DNM1L: variants seen among roughly 807,000 people sequenced by gnomAD.
DNM1L encodes dynamin 1L.
In DNM1L, 33 loss-of-function variants were observed where a neutral mutation model predicts 92.8. The ratio of observed to expected loss-of-function variants is 0.36; its 90% CI spans 0.27 to 0.48. The LOEUF (loss-of-function observed/expected upper bound fraction) is 0.48, where lower values mean the gene tolerates loss of function less well. DNM1L is among the 20% of genes least tolerant of loss of function. The pLI, the probability that DNM1L is intolerant of heterozygous loss-of-function variation, is 0.99. For missense variants in DNM1L, 485 were observed against 888.8 expected (o/e 0.55, Z 5.78); for synonymous variants, 284 against 305.0 (o/e 0.93, Z 0.72).
intron 1 of DNM1L, among the ~76,000 whole-genome samples, chr12:32,687,755 A>G (rs1388120439): frequency 1.3e-5 from 2 of 151,146 alleles, no homozygotes; most frequent in Admixed American, 6.6e-5. Flanking sequence ...TGGCCAGCCA[A>G]AGATTTATTA....
chr12:32,716,794 A>C (rs68154285), intron 6 of DNM1L, among the ~76,000 whole-genome samples: 22,382 of 146,074 alleles, frequency 0.15, 1,799 homozygotes, highest in Middle Eastern at 0.2. Flanking sequence ...GTATTTCACT[A>C]CCCATCTGAG....
intron 16 of DNM1L, among the ~76,000 whole-genome samples, chr12:32,739,672 G>T (rs1034307194): frequency 3.2e-4 from 48 of 152,332 alleles, no homozygotes; most frequent in African/African-American, 9.1e-4. Flanking sequence ...GATTACTTAA[G>T]AAATTAAACT....
At chr12:32,695,084 C>T (rs1449881904) in intron 1 of DNM1L, among the ~76,000 whole-genome samples, 1 of 151,942 alleles carries the variant, frequency 6.6e-6, no homozygotes, top group Non-Finnish European at 1.5e-5. Flanking sequence ...AGAATACAGA[C>T]CAAGGAAAGA....
chr12:32,679,350 G>T lies in DNM1L; in HGVS notation c.-14G>T, dbSNP rs201968952. ...CGTGGCCGGCGGGCACTGGGGCCCC[G>T]TGTTTTCAGAGTCATGGAGGCGCTA... On this transcript the variant is annotated 5_prime_UTR_variant, in exon 1 of 20. Transcript: ENST00000549701. The T allele has an allele frequency of 1.2e-6, 2 of 1,605,150 alleles. No individual in the cohort carries two copies. The highest frequency in any genetic ancestry group is 3.3e-5 in the Admixed American group (2 of 59,754).
At chr12:32,740,629 C>G (rs1445540813) in intron 18 of DNM1L, 111 bp downstream of exon 18, 3 of 1,009,046 alleles carry the variant, frequency 3.0e-6, no homozygotes, top group Non-Finnish European at 4.4e-6. Flanking sequence ...TCTAAATCAT[C>G]AAGTGGATTT....
intron 1 of DNM1L, among the ~76,000 whole-genome samples, chr12:32,686,045 CTTTTTTTTTTTTT>C (rs972264615): frequency 2.4e-5 from 2 of 82,690 alleles, no homozygotes; most frequent in African/African-American, 1.2e-4. Context: ...TAAAATTAGC[CTTTTTTTTTTTTT>C]TTTTTTTTTG....
intron 4 of DNM1L, among the ~76,000 whole-genome samples, chr12:32,709,937 A>G (rs147178069): frequency 0.013 from 1,975 of 152,330 alleles, 42 homozygotes; most frequent in African/African-American, 0.045. Flanking sequence ...AGGATATTAA[A>G]AACTTGCTGG....
chr12:32,717,341 CTA>C (rs1265116133), intron 6 of DNM1L, among the ~76,000 whole-genome samples: 2 of 82,946 alleles, frequency 2.4e-5, no homozygotes, highest in African/African-American at 5.1e-5. Context: ...TTTATATATA[CTA>C]TATATTATAT....
intron 1 of DNM1L, among the ~76,000 whole-genome samples, chr12:32,693,490 ATTGT>A (rs776864720): frequency 2.0e-5 from 3 of 152,118 alleles, no homozygotes; most frequent in Non-Finnish European, 4.4e-5. Context: ...CATTTTGTAT[ATTGT>A]TTAAGAAGTC....
intron 14 of DNM1L, chr12:32,737,399 T>G: frequency 6.0e-6 from 3 of 496,582 alleles, no homozygotes; most frequent in Non-Finnish European, 1.1e-5. Context: ...TTTAAGCATT[T>G]AAGCATCAAG....
intron 1 of DNM1L, among the ~76,000 whole-genome samples, chr12:32,691,152 C>T (rs10771981): frequency 0.17 from 26,475 of 152,046 alleles, 2,587 homozygotes; most frequent in African/African-American, 0.28. Context: ...TAGATGGCTG[C>T]CTTCTTGCTG....
chr12:32,723,179 C>T (rs1326324246), intron 9 of DNM1L, among the ~76,000 whole-genome samples: 1 of 150,700 alleles, frequency 6.6e-6, no homozygotes. Context: ...TTAAGGATTT[C>T]AAGTTACATA....
At chr12:32,716,777 A>G (rs1953400177) in intron 6 of DNM1L, among the ~76,000 whole-genome samples, 1 of 146,694 alleles carries the variant, frequency 6.8e-6, no homozygotes, top group South Asian at 2.1e-4. Flanking sequence ...AACTGAAAAT[A>G]CCATAGGTAT....
chr12:32,679,506 C>T (rs1335721041), intron 1 of DNM1L, 41 bp downstream of exon 1: 2 of 1,571,718 alleles, frequency 1.3e-6, no homozygotes, highest in African/African-American at 1.3e-5. Flanking sequence ...CAGACCCCGG[C>T]CGCAGGCCTG....
In DNM1L at chr12:32,743,658, T is replaced by G. The variant is rs892216800; in HGVS notation, c.*248T>G. 4.0e-6 allele frequency: 2 copies of G among 499,850 alleles called. No individual in the cohort carries two copies. Among genetic ancestry groups the G allele is most frequent in the African/African-American group, 1.9e-5 (1 of 51,964 alleles). The allele number at this position is 499,850 out of a possible 1,614,324, so 31.0% of individuals were successfully genotyped here. A position where few individuals can be genotyped will look rare whatever the true frequency, so the allele number is the denominator to read the frequency against. Reference sequence around the variant, plus strand: ...TACATCAAGTCTGTCTTGTGACAGTTTCATCTGAACTTAACTTAAAAACAA... The same window carrying G: ...TACATCAAGTCTGTCTTGTGACAGTGTCATCTGAACTTAACTTAAAAACAA... On this transcript the variant is annotated 3_prime_UTR_variant, in exon 20 of 20. Coordinates refer to ENST00000549701, the MANE Select transcript of DNM1L (RefSeq NM_012062.5).
At chr12:32,736,862 A>G (rs1954918097) in intron 13 of DNM1L, 3 of 487,158 alleles carry the variant, frequency 6.2e-6, no homozygotes, top group Admixed American at 6.5e-5. Context: ...CAGTACAGGG[A>G]GCCACTGTTA....
chr12:32,730,052 A>C (rs1371030272), intron 9 of DNM1L, among the ~76,000 whole-genome samples: 1 of 152,216 alleles, frequency 6.6e-6, no homozygotes, highest in Non-Finnish European at 1.5e-5. Flanking sequence ...TAAGGTGCTC[A>C]GTAACTATAT....
intron 7 of DNM1L, among the ~76,000 whole-genome samples, chr12:32,719,857 A>G (rs1306276364): frequency 6.6e-6 from 1 of 152,154 alleles, no homozygotes. Context: ...CAGGTTATAC[A>G]TTTAACCAAA....
chr12:32,694,971 G>A (rs1403491868), intron 1 of DNM1L, among the ~76,000 whole-genome samples: 1 of 152,108 alleles, frequency 6.6e-6, no homozygotes, highest in Non-Finnish European at 1.5e-5. Context: ...AGTCTGAAGG[G>A]ACTAGCGCTC....
Sources: gnomAD v4.1 joint callset for allele counts (sites outside exome capture counted in the v4.1 genomes callset) on GRCh38, gnomAD v4.1.1 for gene constraint, MANE v1.5 for transcripts, NCBI Gene and HGNC (gene_info 2026-07-23, HGNC 2026-07-21) for gene names.